The following OSBPL8 variants were observed in gnomAD, a reference collection of about 807,000 sequenced individuals.
The protein encoded by OSBPL8 is oxysterol binding protein like 8.
In OSBPL8, 59 loss-of-function variants were observed where a neutral mutation model predicts 125.5. The ratio of observed to expected loss-of-function variants is 0.47; its 90% CI spans 0.38 to 0.58. OSBPL8 has a LOEUF of 0.58. Among genes scored for constraint, OSBPL8 ranks in the 20% least tolerant of loss-of-function variants. The probability of loss-of-function intolerance (pLI) is 0.00; values close to 1 mark genes in which losing one functional copy is unlikely to be tolerated. For missense variants in OSBPL8, 758 were observed against 1,047.8 expected, an observed-to-expected ratio of 0.72 and a Z score of 3.82; for synonymous variants, 330 against 338.9, an observed-to-expected ratio of 0.97 and a Z score of 0.29.
At chr12:76,549,344 C>T (rs1221788642) in intron 1 of OSBPL8, among the ~76,000 whole-genome samples, 1 of 152,126 alleles carries the variant, frequency 6.6e-6, no homozygotes, top group African/African-American at 2.4e-5. Flanking sequence ...TACAAAAGAA[C>T]GGATTCTAAA....
chr12:76,402,226 G>A (rs2136357689), intron 6 of OSBPL8, among the ~76,000 whole-genome samples: 1 of 152,240 alleles, frequency 6.6e-6, no homozygotes, highest in Middle Eastern at 3.4e-3. Context: ...AGGAAGGTAA[G>A]CCCAGTGCTA....
intron 1 of OSBPL8, among the ~76,000 whole-genome samples, chr12:76,558,731 G>A (rs1321649456): frequency 6.6e-6 from 1 of 152,216 alleles, no homozygotes; most frequent in East Asian, 1.9e-4. Flanking sequence ...TGCATATACT[G>A]TTGCTTCGCC....
chr12:76,443,793 C>T (rs545696128), intron 4 of OSBPL8, among the ~76,000 whole-genome samples: 1 of 152,272 alleles, frequency 6.6e-6, no homozygotes, highest in South Asian at 2.1e-4. Context: ...AGGCATGAGA[C>T]ACTGCACCCG....
intron 20 of OSBPL8, 148 bp from the exon 21 acceptor site, chr12:76,369,449 CTTATT>C (rs1298393920): frequency 8.3e-5 from 115 of 1,393,180 alleles, no homozygotes; most frequent in Non-Finnish European, 1.1e-4. Context: ...AGATCCTCAA[CTTATT>C]TTATAGGCTA....
chr12:76,536,910 T>C (rs957827381), intron 1 of OSBPL8: 1 of 151,778 alleles, frequency 6.6e-6, no homozygotes, highest in Non-Finnish European at 1.5e-5. Flanking sequence ...CTTCATCCAG[T>C]GGATGCTATG....
chr12:76,496,524 C>A (rs1359658658), intron 1 of OSBPL8, among the ~76,000 whole-genome samples: 1 of 151,892 alleles, frequency 6.6e-6, no homozygotes, highest in Admixed American at 6.6e-5. Flanking sequence ...CAGGCATGCA[C>A]CACCAGACCT....
At chr12:76,424,248 AC>A (rs1869870783) in intron 4 of OSBPL8, among the ~76,000 whole-genome samples, 1 of 152,104 alleles carries the variant, frequency 6.6e-6, no homozygotes, top group Admixed American at 6.6e-5. Context: ...TGATCCACCC[AC>A]CTTGGTATCC....
chr12:76,459,910 T>A lies in OSBPL8; in HGVS notation c.43-15A>T, dbSNP rs1874505550. The A allele has an allele frequency of 1.2e-6, 2 of 1,613,110 alleles. No homozygotes were observed. The highest frequency in any genetic ancestry group is 2.7e-5 in the African/African-American group (2 of 74,820). On this transcript the variant is annotated splice_polypyrimidine_tract_variant and intron_variant, in intron 2 of 23. Transcript: ENST00000261183. ...TCACCAAGAAGCTTTTAAGGCAGGG[T>A]AATTGAGCAGCAAACAAATACAGTC...
chr12:76,375,176 T>C, intron 17 of OSBPL8, 97 bp downstream of exon 17: 1 of 780,694 alleles, frequency 1.3e-6, no homozygotes, highest in Non-Finnish European at 2.0e-6. Flanking sequence ...TGTTCTTACA[T>C]TTAGTCCTTA....
intron 15 of OSBPL8, among the ~76,000 whole-genome samples, chr12:76,380,752 AC>A (rs1953012806): frequency 6.6e-6 from 1 of 152,048 alleles, no homozygotes; most frequent in African/African-American, 2.4e-5. Context: ...TAATTTGCCT[AC>A]TGCATTGGCT....
At position 76,356,650 on chromosome 12, in the gene OSBPL8, T is replaced by G. The variant is rs145720655; in HGVS notation, c.2513A>C (p.Lys838Thr). 5.0e-6 allele frequency: 8 copies of G among 1,607,058 alleles called. No homozygotes were observed. Among genetic ancestry groups the G allele is most frequent in the Non-Finnish European group, 6.8e-6 (8 of 1,174,588 alleles). ...CCTTTTAATTTCTTCCTGTGTTTGT[T>G]TTATAGATTCGATGGAACTCTGAAT... ...GDIQSSIESI[K>T]QTQEEIKRNI... Residue 838 changes from lysine to threonine, a missense_variant, in exon 23 of 24, where the codon AAA becomes ACA. Transcript: ENST00000261183.
chr12:76,369,425 C>T, intron 20 of OSBPL8, 124 bp from the exon 21 acceptor site: 1 of 1,410,110 alleles, frequency 7.1e-7, no homozygotes, highest in South Asian at 1.6e-5. Context: ...GAGATTTCCC[C>T]ATACCTAATC....
intron 4 of OSBPL8, among the ~76,000 whole-genome samples, chr12:76,415,458 G>A (rs1868520196): frequency 6.6e-6 from 1 of 152,056 alleles, no homozygotes; most frequent in South Asian, 2.1e-4. Context: ...ATGTTGGCCA[G>A]GCCGGTCTCG....
intron 4 of OSBPL8, among the ~76,000 whole-genome samples, chr12:76,421,769 ATTAT>A (rs1213778958): frequency 2.0e-5 from 3 of 152,106 alleles, no homozygotes; most frequent in East Asian, 1.9e-4. Context: ...AAAGGAAAAG[ATTAT>A]TTAAACATAT....
At chr12:76,442,226 T>C (rs1324525045) in intron 4 of OSBPL8, among the ~76,000 whole-genome samples, 1 of 152,202 alleles carries the variant, frequency 6.6e-6, no homozygotes, top group Non-Finnish European at 1.5e-5. Flanking sequence ...TTATTCATTC[T>C]TACTTTTCAA....
chr12:76,355,446 CCTTA>C lies in OSBPL8; in HGVS notation c.*439_*442del, dbSNP rs1364428815. The C allele has an allele frequency of 2.6e-5, 4 of 152,300 alleles. No individual in the cohort carries two copies. The highest frequency in any genetic ancestry group is 4.4e-5 in the Non-Finnish European group (3 of 68,218). 9.4% of individuals were successfully genotyped at this position (152,300 alleles called of 1,614,324 possible). On this transcript the variant is annotated 3_prime_UTR_variant, in exon 24 of 24. Transcript: ENST00000261183. ...TTCCATCATTTCTCAATCTGTAATT[CCTTA>C]CTGATAAAACTTTTGTGCCTGTTTT... is the stretch of plus-strand genomic sequence containing the variant.
Position 76,399,855 on chromosome 12 carries a change from G to T in OSBPL8, c.468+18C>A. 1 of 1,558,292 alleles carries T rather than the reference G, an allele frequency of 6.4e-7. No homozygotes were observed. Among genetic ancestry groups the T allele is most frequent in the African/African-American group, 1.4e-5 (1 of 72,036 alleles). On this transcript the variant is annotated intron_variant, in intron 7 of 23. Transcript: ENST00000261183. ...TAAACATCCAGCAATCTGAATTCAT[G>T]ATTCAAAACACACTGACCTTTAACC...
intron 2 of OSBPL8, among the ~76,000 whole-genome samples, chr12:76,480,329 T>C (rs1412496062): frequency 6.6e-6 from 1 of 152,184 alleles, no homozygotes; most frequent in African/African-American, 2.4e-5. Flanking sequence ...AGTAAATACT[T>C]ATGAATACAA....
At chr12:76,369,071 T>A (rs1053342768) in intron 21 of OSBPL8, 143 bp downstream of exon 21, 46 of 1,131,964 alleles carry the variant, frequency 4.1e-5, no homozygotes, top group Non-Finnish European at 4.9e-5. Flanking sequence ...TTCTGATGTT[T>A]CTTTGGGGTA....
Sources: gnomAD v4.1 joint callset for allele counts (sites outside exome capture counted in the v4.1 genomes callset) on GRCh38, gnomAD v4.1.1 for gene constraint, MANE v1.5 for transcripts, NCBI Gene and HGNC (gene_info 2026-07-23, HGNC 2026-07-21) for gene names.